RAB40B: variants seen among roughly 807,000 people sequenced by gnomAD.
The protein encoded by RAB40B is ras-related protein Rab-40B.
RAB40B carries 21 observed loss-of-function variants against 24.0 expected under a neutral mutation model. That is an observed-to-expected ratio of 0.88 (90% CI 0.62 to 1.26). RAB40B has a LOEUF of 1.26. Among genes scored for constraint, RAB40B ranks in the 50% most tolerant of loss-of-function variants. The pLI is 0.00. For missense variants in RAB40B, 348 were observed against 390.5 expected, an observed-to-expected ratio of 0.89 and a Z score of 0.92; for synonymous variants, 167 against 169.8, an observed-to-expected ratio of 0.98 and a Z score of 0.13.
Position 82,657,985 on chromosome 17 carries a change from C to G in RAB40B, c.715G>C (p.Gly239Arg). The part of the protein sequence containing the change: ...NGLNARMMHG[G>R]SYSLTTSSTH... ...GAGCTGGTGGTGAGGGAGTAGGAAC[C>G]GCCGTGCATCATCCTGGCATTCAGG... The change falls in exon 6 of 6, where the codon GGT becomes CGT. Residue 239 changes from glycine (G) to arginine (R), a missense_variant. Gly to Arg is a moderately radical substitution (Grantham distance 125). Around this residue, in one of 3 missense-constraint regions of RAB40B, gnomAD observed 121 missense variants for 124.0 expected, o/e 0.98. Coordinates refer to ENST00000571995, the MANE Select transcript of RAB40B (RefSeq NM_006822.3). The G allele has an allele frequency of 6.2e-7, 1 of 1,614,136 alleles. No homozygotes were observed. Among genetic ancestry groups the G allele is most frequent in the Non-Finnish European group, 8.5e-7 (1 of 1,180,026 alleles).
chr17:82,664,476 C>T lies in RAB40B; in HGVS notation c.203+20G>A, dbSNP rs763766902. 1.2e-5 allele frequency: 19 copies of T among 1,610,414 alleles called. No individual in the cohort carries two copies. The highest frequency in any genetic ancestry group is 2.2e-5 in the South Asian group (2 of 90,922). The stretch of plus-strand genomic sequence containing the variant: ...TTACTCCCTGGGGGTGCGGGACGCT[C>T]GCACCTCCTCCAGACTCACCAGAGC... On this transcript the variant is annotated intron_variant, in intron 2 of 5. Coordinates refer to ENST00000571995, the MANE Select transcript of RAB40B (RefSeq NM_006822.3).
intron 1 of RAB40B, among the ~76,000 whole-genome samples, chr17:82,668,943 A>C (rs1265651867): frequency 6.6e-6 from 1 of 152,246 alleles, no homozygotes; most frequent in Non-Finnish European, 1.5e-5. Flanking sequence ...ACCTCACCAC[A>C]GTGGGGCACG....
At chr17:82,672,509 G>A (rs1026362879) in intron 1 of RAB40B, among the ~76,000 whole-genome samples, 4 of 152,230 alleles carry the variant, frequency 2.6e-5, no homozygotes, top group African/African-American at 4.8e-5. Context: ...TAAACTTCAC[G>A]TTAGAAAGGT....
rs2046107500 is a variant in RAB40B at position 82,658,020 on chromosome 17, A to G, written c.680T>C (p.Met227Thr). ...ALRSHLKSFS[M>T]ANGLNARMMH... ...CATCCTGGCATTCAGGCCGTTGGCCATCGAGAAGGACTTGAGGTGGCTTCT... is the reference window on the plus strand; with the variant it reads ...CATCCTGGCATTCAGGCCGTTGGCCGTCGAGAAGGACTTGAGGTGGCTTCT... The change falls in exon 6 of 6, where the codon ATG (methionine) becomes ACG (threonine). Residue 227 changes from methionine (M) to threonine (T), a missense_variant. Physicochemically the swap from Met to Thr is moderately conservative, Grantham distance 81. Coordinates refer to ENST00000571995, the MANE Select transcript of RAB40B (RefSeq NM_006822.3). 1.2e-6 allele frequency: 2 copies of G among 1,614,236 alleles called. No individual in the cohort carries two copies. Among genetic ancestry groups the G allele is most frequent in the Non-Finnish European group, 1.7e-6 (2 of 1,180,050 alleles).
At chr17:82,696,123 GCCTCCCAAAGCCGGGATTA>G (rs1320374740) in intron 1 of RAB40B, among the ~76,000 whole-genome samples, 1 of 152,152 alleles carries the variant, frequency 6.6e-6, no homozygotes, top group Non-Finnish European at 1.5e-5. Context: ...GCCCGCCTTG[GCCTCCCAAAGCCGGGATTA>G]CAGGTGTGAG....
Position 82,675,794 on chromosome 17 carries a change from C to T in RAB40B, c.143-11238G>A, listed in dbSNP as rs1388858832. On this transcript the variant is annotated intron_variant, in intron 1 of 5. Coordinates refer to ENST00000571995, the MANE Select transcript of RAB40B (RefSeq NM_006822.3). This position sits in a 1 kb window ranked among gnomAD's most constrained non-coding sequence, Gnocchi z 4.5. ...TAGCCCCATCTTCTAACACCATCAC[C>T]TTGGGGTTAGGTTTCAGCACCCGAA... 2.0e-5 allele frequency among the ~76,000 whole-genome samples: 3 copies of T among 152,140 alleles called. 1 individual carries two copies. The highest frequency in any genetic ancestry group is 2.0e-4 in the Admixed American group (3 of 15,278).
intron 1 of RAB40B, among the ~76,000 whole-genome samples, chr17:82,694,094 A>T (rs1413800347): frequency 6.6e-6 from 1 of 151,358 alleles, no homozygotes; most frequent in Non-Finnish European, 1.5e-5. Context: ...AAAAAAAAAA[A>T]AAAAAAAAGG....
At chr17:82,693,473 C>A (rs1475582813) in intron 1 of RAB40B, among the ~76,000 whole-genome samples, 1 of 152,146 alleles carries the variant, frequency 6.6e-6, no homozygotes, top group East Asian at 1.9e-4. Flanking sequence ...GTGGGAGCAC[C>A]AAGTGAAAAA....
intron 1 of RAB40B, among the ~76,000 whole-genome samples, chr17:82,685,154 C>T (rs1327174949): frequency 6.9e-6 from 1 of 144,814 alleles, no homozygotes; most frequent in Non-Finnish European, 1.5e-5. Context: ...AGAAGGGAGA[C>T]ATTTTACTGT....
At chr17:82,661,448 A>G (rs572530867) in intron 2 of RAB40B, among the ~76,000 whole-genome samples, 15 of 152,284 alleles carry the variant, frequency 9.9e-5, no homozygotes, top group African/African-American at 3.6e-4. Context: ...AAGAGCTCAC[A>G]TGGAGTCAGC....
intron 1 of RAB40B, among the ~76,000 whole-genome samples, chr17:82,674,512 A>G (rs1453799694): frequency 4.8e-5 from 7 of 144,464 alleles, no homozygotes; most frequent in Non-Finnish European, 7.6e-5. Context: ...GGTGGCGGGC[A>G]CCTGTAGTCC....
chr17:82,660,687 T>TACAC (rs66713002), intron 3 of RAB40B, among the ~76,000 whole-genome samples: 3 of 147,876 alleles, frequency 2.0e-5, no homozygotes, highest in Non-Finnish European at 4.5e-5. Context: ...CACACACATG[T>TACAC]ACACACACAC....
intron 1 of RAB40B, chr17:82,664,868 G>C: frequency 3.6e-6 from 1 of 276,750 alleles, no homozygotes; most frequent in Non-Finnish European, 6.9e-6. Context: ...GGTTTGCCGC[G>C]GGGCTGTGGC....
At position 82,667,510 on chromosome 17, in the gene RAB40B, C is replaced by A. The variant is rs184075069; in HGVS notation, c.143-2954G>T. ...CTGCTGTGTCCAGCCTGTCCCCTGC[C>A]CTCTGCTTCCTCCTCCGGGCCCTGC... On this transcript the variant is annotated intron_variant, in intron 1 of 5. Transcript: ENST00000571995. The surrounding 1 kb of genome is among the most constrained non-coding windows in gnomAD (Gnocchi z 4.3). Among the ~76,000 whole-genome samples the A allele has an allele frequency of 4.8e-3, 732 of 152,296 alleles. 4 individuals carry two copies. The highest frequency in any genetic ancestry group is 0.017 in the African/African-American group (700 of 41,566).
chr17:82,681,437 G>C (rs985698352), intron 1 of RAB40B, among the ~76,000 whole-genome samples: 4 of 152,076 alleles, frequency 2.6e-5, no homozygotes, highest in Non-Finnish European at 4.4e-5. Context: ...ACTGGGTAGG[G>C]AAAAAAGCCC....
At chr17:82,690,091 T>C (rs1189079177) in intron 1 of RAB40B, among the ~76,000 whole-genome samples, 2 of 152,182 alleles carry the variant, frequency 1.3e-5, no homozygotes, top group East Asian at 3.8e-4. Context: ...ATAAATCGTG[T>C]TTTATATCTC....
At position 82,667,550 on chromosome 17, in the gene RAB40B, C is replaced by T. The variant is rs898724253; in HGVS notation, c.143-2994G>A. ...CCGGGCCCTGCCCCCTTCCTGGACT[C>T]CAGAGGCTCTTTCTGTGGTGCCACC... is the stretch of plus-strand genomic sequence containing the variant. On this transcript the variant is annotated intron_variant, in intron 1 of 5. Transcript: ENST00000571995. The surrounding 1 kb of genome is among the most constrained non-coding windows in gnomAD (Gnocchi z 4.3). Among the ~76,000 whole-genome samples the T allele has an allele frequency of 7.2e-5, 11 of 152,176 alleles. No individual in the cohort carries two copies. The highest frequency in any genetic ancestry group is 1.3e-4 in the Admixed American group (2 of 15,282).
chr17:82,657,948 CT>C lies in RAB40B; in HGVS notation c.751del (p.Arg251GlyfsTer7). ...GAGCTTCACTTTGCGGAGGCTGCTC[CT>C]TTTGTGGGTGGAGCTGGTGGTGAGG... ...YSLTTSSTHK[R>X]SSLRKVKLVR... is the part of the protein sequence containing the mutation. On this transcript the variant is annotated frameshift_variant, in exon 6 of 6. Coordinates refer to ENST00000571995, the MANE Select transcript of RAB40B (RefSeq NM_006822.3). LOFTEE classifies it low-confidence loss of function (END_TRUNC). The C allele has an allele frequency of 6.2e-7, 1 of 1,614,132 alleles. No homozygotes were observed. Among genetic ancestry groups the C allele is most frequent in the Non-Finnish European group, 8.5e-7 (1 of 1,180,040 alleles).
rs556119021 is a variant in RAB40B, at chr17:82,664,561, G to A, written c.143-5C>T. ...TGGTCGTCTTGTAGTCGATGCCTGC[G>A]GAAGGGTTAGAGACGGCTTAGGCCT... On this transcript the variant is annotated splice_polypyrimidine_tract_variant and splice_region_variant and intron_variant, in intron 1 of 5. Coordinates refer to ENST00000571995, the MANE Select transcript of RAB40B (RefSeq NM_006822.3). 17 of 1,613,498 alleles carry A rather than the reference G, an allele frequency of 1.1e-5. No individual in the cohort carries two copies. Among genetic ancestry groups the A allele is most frequent in the South Asian group, 5.5e-5 (5 of 91,084 alleles).
Sources: allele counts gnomAD v4.1 joint callset (sites outside exome capture counted in the v4.1 genomes callset), GRCh38; gene constraint gnomAD v4.1.1; regional missense constraint gnomAD v4.1.1; non-coding constraint Gnocchi (gnomAD v3.1); transcripts MANE v1.5; gene names NCBI Gene and HGNC (gene_info 2026-07-23, HGNC 2026-07-21).